SHISA9: variants seen among roughly 807,000 people sequenced by gnomAD.
SHISA9 encodes shisa family member 9.
A neutral mutation model predicts 38.0 loss-of-function variants in SHISA9; 13 were observed. That is an observed-to-expected ratio of 0.34 (90% CI 0.22 to 0.54). The LOEUF is 0.54. Ranked by LOEUF, SHISA9 falls within the 20% of genes least tolerant of loss-of-function variation. The probability of loss-of-function intolerance (pLI) is 0.91; values close to 1 mark genes in which losing one functional copy is unlikely to be tolerated. For synonymous variants in SHISA9, 275 were observed against 242.0 expected (o/e 1.14, Z -1.27); for missense variants, 538 against 575.8 (o/e 0.93, Z 0.67).
At chr16:13,387,244 C>T in the SHISA9 span, among the ~76,000 whole-genome samples, 1 of 152,142 alleles carries the variant, frequency 6.6e-6, no homozygotes, top group Non-Finnish European at 1.5e-5. Flanking sequence ...AATGTGACCT[C>T]ATTTGGAAAT....
rs2051391461 is a variant in SHISA9, at chr16:13,236,994, A to G, written c.*1585A>G. On this transcript the variant is annotated 3_prime_UTR_variant, in exon 5 of 5. Coordinates refer to ENST00000558583, the MANE Select transcript of SHISA9 (RefSeq NM_001145204.3). ...GTTGTGTTTGTTTTGTGGAAGCCCA[A>G]AGAAGTGGATTGAGAGAGAAGAGAT... 1 of 152,190 alleles carries G rather than the reference A, an allele frequency of 6.6e-6. No homozygotes were observed. Among genetic ancestry groups the G allele is most frequent in the Non-Finnish European group, 1.5e-5 (1 of 68,042 alleles). 9.4% of individuals were successfully genotyped at this position (152,190 alleles called of 1,614,324 possible).
At chr16:13,010,434 G>A (rs761560250) in intron 2 of SHISA9, among the ~76,000 whole-genome samples, 2 of 152,112 alleles carry the variant, frequency 1.3e-5, no homozygotes, top group African/African-American at 2.4e-5. Flanking sequence ...TACTGTCATA[G>A]ATTCTTAGAC....
At chr16:13,017,986 GA>G (rs1176403398) in intron 2 of SHISA9, among the ~76,000 whole-genome samples, 1 of 152,218 alleles carries the variant, frequency 6.6e-6, no homozygotes, top group Non-Finnish European at 1.5e-5. Context: ...CTACTTAAAA[GA>G]GAACGTTCTG....
the SHISA9 span, among the ~76,000 whole-genome samples, chr16:13,367,100 C>A: frequency 6.6e-6 from 1 of 151,712 alleles, no homozygotes; most frequent in African/African-American, 2.4e-5. Flanking sequence ...TTTGTCAAAC[C>A]AGTACAAGGA....
chr16:13,059,843 A>G (rs955360192), intron 2 of SHISA9, among the ~76,000 whole-genome samples: 11 of 152,166 alleles, frequency 7.2e-5, no homozygotes, highest in African/African-American at 2.4e-4. Context: ...GTGAAGAGAC[A>G]CAGGGAGAAG....
At chr16:13,469,883 A>G in the SHISA9 span, among the ~76,000 whole-genome samples, 5 of 152,214 alleles carry the variant, frequency 3.3e-5, no homozygotes, top group Admixed American at 6.5e-5. Flanking sequence ...TCAACTAAAG[A>G]GTACATGGTA....
At chr16:13,187,281 A>G (rs16961316) in intron 2 of SHISA9, among the ~76,000 whole-genome samples, 22,663 of 149,482 alleles carry the variant, frequency 0.15, 1,977 homozygotes, top group Middle Eastern at 0.24. Context: ...CTCAGGAGGT[A>G]GGATTGGCAC....
Position 13,235,070 on chromosome 16 carries a change from C to A in SHISA9, c.936C>A (p.His312Gln). ...VNDDFYTKRR[H>Q]LAELAAKGNL... Reference sequence around the variant, plus strand: ...ACGACTTCTACACCAAGCGACGGCACCTGGCTGAGCTGGCTGCCAAGGGGA... The same window carrying A: ...ACGACTTCTACACCAAGCGACGGCAACTGGCTGAGCTGGCTGCCAAGGGGA... Residue 312 changes from histidine to glutamine, a missense_variant, in exon 5 of 5, where the codon CAC (histidine) becomes CAA (glutamine). Physicochemically the swap from His to Gln is conservative, Grantham distance 24. Transcript: ENST00000558583. 2 of 1,551,448 alleles carry A rather than the reference C, an allele frequency of 1.3e-6. No homozygotes were observed. The highest frequency in any genetic ancestry group is 1.2e-5 in the South Asian group (1 of 84,022).
chr16:12,923,074 G>T (rs1413632694), intron 2 of SHISA9, among the ~76,000 whole-genome samples: 3 of 152,182 alleles, frequency 2.0e-5, no homozygotes, highest in Non-Finnish European at 4.4e-5. Flanking sequence ...TGATCCTGCT[G>T]CCTCAGCCTT....
intron 2 of SHISA9, among the ~76,000 whole-genome samples, chr16:12,926,606 G>A (rs2141735329): frequency 6.6e-6 from 1 of 152,276 alleles, no homozygotes; most frequent in East Asian, 1.9e-4. Context: ...TAGCATGGTG[G>A]GAGTAAGTTC....
the SHISA9 span, among the ~76,000 whole-genome samples, chr16:13,398,678 T>G: frequency 6.6e-6 from 1 of 151,908 alleles, no homozygotes; most frequent in African/African-American, 2.4e-5. Flanking sequence ...GTCCGGCTAA[T>G]TTTTTGTATT....
chr16:13,008,652 TCCCTCCCTCCCTTCCTCCCTCC>T (rs2072629689), intron 2 of SHISA9, among the ~76,000 whole-genome samples: 1 of 21,980 alleles, frequency 4.5e-5, no homozygotes, highest in African/African-American at 1.9e-4. Context: ...CCTCCCTCCC[TCCCTCCCTCCCTTCCTCCCTCC>T]CTCCCTCTCT....
At chr16:13,359,512 T>C in the SHISA9 span, among the ~76,000 whole-genome samples, 1 of 152,190 alleles carries the variant, frequency 6.6e-6, no homozygotes, top group African/African-American at 2.4e-5. Flanking sequence ...AATAATAATT[T>C]TTATTTTATT....
chr16:12,977,113 A>G (rs890753312), intron 2 of SHISA9, among the ~76,000 whole-genome samples: 1 of 152,142 alleles, frequency 6.6e-6, no homozygotes, highest in African/African-American at 2.4e-5. Flanking sequence ...AGCCTTTAAG[A>G]GCCACTGTGT....
At chr16:13,195,170 A>C (rs897195126) in intron 2 of SHISA9, among the ~76,000 whole-genome samples, 3 of 152,250 alleles carry the variant, frequency 2.0e-5, no homozygotes, top group Admixed American at 1.3e-4. Context: ...CTCCAATAAA[A>C]TGAACCAGGC....
At chr16:13,247,687 T>G in the SHISA9 span, among the ~76,000 whole-genome samples, 1 of 152,260 alleles carries the variant, frequency 6.6e-6, no homozygotes, top group Non-Finnish European at 1.5e-5. Context: ...ACTCGTGCTG[T>G]GTTGTACAGT....
At position 12,951,045 on chromosome 16, in the gene SHISA9, A is replaced by C. The variant is rs189403778; in HGVS notation, c.691+34230A>C. Among the ~76,000 whole-genome samples, 14 of 150,106 alleles carry C rather than the reference A, an allele frequency of 9.3e-5. No individual in the cohort carries two copies. In the East Asian group the frequency reaches 2.8e-3, roughly 30 times the overall value. ...AAGACCAGCCTGGCCTACATGGTGA[A>C]ACCCCATCTCTACTAAAATACAAAA... On this transcript the variant is annotated intron_variant, in intron 2 of 4. Coordinates refer to ENST00000558583, the MANE Select transcript of SHISA9 (RefSeq NM_001145204.3).
chr16:13,385,425 C>T, the SHISA9 span, among the ~76,000 whole-genome samples: 2 of 152,038 alleles, frequency 1.3e-5, no homozygotes, highest in African/African-American at 4.8e-5. Context: ...CTTAAACAAA[C>T]TGTGGTATAT....
intron 2 of SHISA9, among the ~76,000 whole-genome samples, chr16:12,929,351 G>A (rs1377166496): frequency 2.6e-5 from 4 of 152,072 alleles, no homozygotes; most frequent in Admixed American, 1.3e-4. Context: ...TATGTTCATC[G>A]CAGCAATATT....
Sources: allele counts gnomAD v4.1 joint callset (sites outside exome capture counted in the v4.1 genomes callset), GRCh38; gene constraint gnomAD v4.1.1; transcripts MANE v1.5; gene names NCBI Gene and HGNC (gene_info 2026-07-23, HGNC 2026-07-21).